The following PDE1C variants were observed in gnomAD, a reference collection of about 807,000 sequenced individuals.
PDE1C encodes dual specificity calcium/calmodulin-dependent 3',5'-cyclic nucleotide phosphodiesterase 1C.
Under a neutral mutation model 93.1 loss-of-function variants are expected in PDE1C, and 62 were observed. That is an observed-to-expected ratio of 0.67 (90% CI 0.54 to 0.82). The LOEUF is 0.82. Among genes scored for constraint, PDE1C ranks in the 40% least tolerant of loss-of-function variants. The pLI is 0.00. For synonymous variants in PDE1C, 325 were observed against 310.1 expected, an observed-to-expected ratio of 1.05 and a Z score of -0.50; for missense variants, 742 against 884.6, an observed-to-expected ratio of 0.84 and a Z score of 2.04.
intron 1 of PDE1C, among the ~76,000 whole-genome samples, chr7:32,333,000 C>G (rs1281561413): frequency 2.0e-5 from 3 of 152,062 alleles, no homozygotes; most frequent in Non-Finnish European, 4.4e-5. Flanking sequence ...TAAACATGTA[C>G]TTTTCGATTT....
intron 2 of PDE1C, among the ~76,000 whole-genome samples, chr7:31,905,174 GCAAA>G (rs1583888588): frequency 1.3e-5 from 2 of 152,048 alleles, no homozygotes; most frequent in East Asian, 3.8e-4. Flanking sequence ...GAAATAAAAA[GCAAA>G]CAAGTCACAA....
intron 1 of PDE1C, among the ~76,000 whole-genome samples, chr7:32,229,620 G>A (rs1807543409): frequency 6.6e-6 from 1 of 152,174 alleles, no homozygotes; most frequent in Non-Finnish European, 1.5e-5. Flanking sequence ...TAGAATCACA[G>A]GCATCTAGAC....
At chr7:31,632,486 G>T in the PDE1C span, among the ~76,000 whole-genome samples, 1 of 152,044 alleles carries the variant, frequency 6.6e-6, no homozygotes, top group African/African-American at 2.4e-5. Flanking sequence ...TCCATGACAG[G>T]ATGGAACCAT....
At chr7:31,643,315 A>G in the PDE1C span, 3 of 1,613,948 alleles carry the variant, frequency 1.9e-6, no homozygotes, top group South Asian at 2.2e-5. Flanking sequence ...GCACAGTGAA[A>G]TCACACCTTA....
At chr7:32,342,208 C>A (rs1783771031) in intron 1 of PDE1C, among the ~76,000 whole-genome samples, 1 of 152,172 alleles carries the variant, frequency 6.6e-6, no homozygotes, top group African/African-American at 2.4e-5. Context: ...AGAGTCCTCA[C>A]TACCGGCACT....
intron 3 of PDE1C, among the ~76,000 whole-genome samples, chr7:32,160,891 C>T (rs1801879222): frequency 6.6e-6 from 1 of 152,052 alleles, no homozygotes. Flanking sequence ...GAGAAAGCCC[C>T]TGGCTAGCTG....
intron 1 of PDE1C, among the ~76,000 whole-genome samples, chr7:32,229,754 C>T (rs1807557989): frequency 6.6e-6 from 1 of 152,240 alleles, no homozygotes; most frequent in Non-Finnish European, 1.5e-5. Flanking sequence ...GGAGGTGGCA[C>T]AGCTGGGACC....
the PDE1C span, among the ~76,000 whole-genome samples, chr7:31,732,638 CTGTGTG>C: frequency 1.4e-3 from 206 of 144,308 alleles, 2 homozygotes; most frequent in African/African-American, 4.9e-3. Flanking sequence ...TCCTCTCTTT[CTGTGTG>C]TGTGTGTGTG....
intron 3 of PDE1C, among the ~76,000 whole-genome samples, chr7:32,095,279 G>A (rs550399792): frequency 8.5e-5 from 13 of 152,298 alleles, no homozygotes; most frequent in East Asian, 7.7e-4. Flanking sequence ...TGGCATTTCC[G>A]ATGAGGGGCA....
At chr7:31,658,444 G>A in the PDE1C span, 2,668 of 1,381,146 alleles carry the variant, frequency 1.9e-3, 1 homozygote, top group Middle Eastern at 5.2e-3. Flanking sequence ...AACACATGTC[G>A]AACAAAATAG....
chr7:31,870,893 TTATTTTATGGTATTAGTATAAAATAG>T (rs1410488582), intron 6 of PDE1C, among the ~76,000 whole-genome samples: 48 of 151,984 alleles, frequency 3.2e-4, no homozygotes, highest in African/African-American at 1.0e-3. Context: ...ACACTATATA[TTATTTTATGGTATTAGTATAAAATAG>T]TATTTTATGG....
the PDE1C span, among the ~76,000 whole-genome samples, chr7:31,740,014 G>C: frequency 6.6e-6 from 1 of 152,118 alleles, no homozygotes; most frequent in African/African-American, 2.4e-5. Context: ...GTTCATGCAG[G>C]CTGTCATTTC....
intron 1 of PDE1C, among the ~76,000 whole-genome samples, chr7:32,237,478 A>G (rs1467884592): frequency 6.6e-6 from 1 of 151,808 alleles, no homozygotes; most frequent in Non-Finnish European, 1.5e-5. Context: ...TAATGGAACT[A>G]CTCCATACTC....
chr7:31,778,937 T>C (rs1213658526), intron 16 of PDE1C, among the ~76,000 whole-genome samples: 22 of 152,206 alleles, frequency 1.4e-4, no homozygotes. Flanking sequence ...AAGAAATTTT[T>C]CCCCTGACTC....
chr7:32,253,075 G>C (rs760207723), intron 1 of PDE1C, among the ~76,000 whole-genome samples: 4 of 152,152 alleles, frequency 2.6e-5, no homozygotes, highest in Non-Finnish European at 4.4e-5. Flanking sequence ...ATGGAGAATG[G>C]ATTTGGGGTG....
the PDE1C span, among the ~76,000 whole-genome samples, chr7:31,700,199 C>A: frequency 6.6e-6 from 1 of 152,074 alleles, no homozygotes; most frequent in East Asian, 1.9e-4. Context: ...GTTGTGAATG[C>A]AAAGGAAAAG....
intron 1 of PDE1C, among the ~76,000 whole-genome samples, chr7:32,369,620 G>C (rs911907218): frequency 6.6e-6 from 1 of 152,160 alleles, no homozygotes; most frequent in Non-Finnish European, 1.5e-5. Context: ...ATATGATTCA[G>C]CTATCCTACT....
At chr7:32,156,567 C>G (rs910408950) in intron 3 of PDE1C, among the ~76,000 whole-genome samples, 16 of 152,136 alleles carry the variant, frequency 1.1e-4, no homozygotes, top group African/African-American at 3.9e-4. Context: ...GCCTTTGTGA[C>G]CTTTCTCTCA....
chr7:31,876,090 G>A (rs911867697), intron 5 of PDE1C, among the ~76,000 whole-genome samples: 1 of 151,716 alleles, frequency 6.6e-6, no homozygotes, highest in Admixed American at 6.6e-5. Context: ...CTAACATGTA[G>A]TACATAAAGA....
Sources: gnomAD v4.1 joint callset for allele counts (sites outside exome capture counted in the v4.1 genomes callset) on GRCh38, gnomAD v4.1.1 for gene constraint, MANE v1.5 for transcripts, NCBI Gene and HGNC (gene_info 2026-07-23, HGNC 2026-07-21) for gene names.